MAGI1: variants seen among roughly 807,000 people sequenced by gnomAD.
The protein encoded by MAGI1 is membrane-associated guanylate kinase, WW and PDZ domain-containing protein 1.
A neutral mutation model predicts 139.9 loss-of-function variants in MAGI1; 58 were observed. The observed-to-expected ratio is 0.41, with a 90% CI of 0.34 to 0.52. The LOEUF (loss-of-function observed/expected upper bound fraction) is 0.52, where lower values mean the gene tolerates loss of function less well. MAGI1 is among the 20% of genes least tolerant of loss of function. The probability of loss-of-function intolerance (pLI) is 0.12; values close to 1 mark genes in which losing one functional copy is unlikely to be tolerated. For synonymous variants in MAGI1, 812 were observed against 737.9 expected, an observed-to-expected ratio of 1.10 and a Z score of -1.63; for missense variants, 1,874 against 1,901.6, an observed-to-expected ratio of 0.99 and a Z score of 0.27.
intron 1 of MAGI1, among the ~76,000 whole-genome samples, chr3:65,686,802 T>C (rs1559786495): frequency 1.3e-5 from 2 of 152,234 alleles, no homozygotes; most frequent in Non-Finnish European, 2.9e-5. Flanking sequence ...GTATGTTTTT[T>C]ATAGTTTTAA....
At chr3:65,553,529 A>G (rs1184468369) in intron 2 of MAGI1, among the ~76,000 whole-genome samples, 1 of 152,246 alleles carries the variant, frequency 6.6e-6, no homozygotes, top group Non-Finnish European at 1.5e-5. Flanking sequence ...GTGAACAGAC[A>G]CGGTGATGAG....
At chr3:65,751,053 G>A (rs1406599066) in intron 1 of MAGI1, among the ~76,000 whole-genome samples, 1 of 152,198 alleles carries the variant, frequency 6.6e-6, no homozygotes, top group East Asian at 1.9e-4. Flanking sequence ...TTGTGATGAG[G>A]GTTGACCCAG....
intron 1 of MAGI1, among the ~76,000 whole-genome samples, chr3:65,697,136 A>C (rs1559796988): frequency 6.6e-6 from 1 of 152,126 alleles, no homozygotes; most frequent in Non-Finnish European, 1.5e-5. Flanking sequence ...GAAATGGATA[A>C]ATTCCTCAAC....
intron 1 of MAGI1, among the ~76,000 whole-genome samples, chr3:66,024,529 G>C (rs571811187): frequency 2.6e-5 from 4 of 152,170 alleles, no homozygotes; most frequent in Non-Finnish European, 5.9e-5. Flanking sequence ...GTATCCAGCC[G>C]GGCGCGGTGG....
At position 66,017,435 on chromosome 3, in the gene MAGI1, T is replaced by C. The variant is rs184966043; in HGVS notation, c.313+20561A>G. Among the ~76,000 whole-genome samples the C allele has an allele frequency of 2.9e-4, 44 of 152,098 alleles. No homozygotes were observed. The East Asian group carries it at 7.0e-3, about 24-fold the overall frequency. On this transcript the variant is annotated intron_variant, in intron 1 of 22. Transcript: ENST00000402939. ...TTTCTTCAGATCAAACTCCAGGGGG[T>C]CACCTACCCTTAATTCACACAATGG...
intron 2 of MAGI1, among the ~76,000 whole-genome samples, chr3:65,555,605 T>C (rs2080047969): frequency 6.6e-6 from 1 of 152,086 alleles, no homozygotes; most frequent in African/African-American, 2.4e-5. Flanking sequence ...ATGCCTGTAA[T>C]CTCAGCAATT....
chr3:65,717,878 A>G (rs2032467398), intron 1 of MAGI1, among the ~76,000 whole-genome samples: 1 of 152,182 alleles, frequency 6.6e-6, no homozygotes, highest in Non-Finnish European at 1.5e-5. Context: ...AAAGTGCTGA[A>G]TCAGCTCCAG....
rs56026417 is a variant in MAGI1, at chr3:65,621,917, T to TCACACACACACACACACACA, written c.430+35_430+54dup. 1,115 of 986,688 alleles carry TCACACACACACACACACACA rather than the reference T, an allele frequency of 1.1e-3. 7 individuals are homozygous for TCACACACACACACACACACA. The African/African-American group carries it at 0.013, about 12-fold the overall frequency. 61.1% of individuals were successfully genotyped at this position (986,688 alleles called of 1,614,324 possible). A position where few individuals can be genotyped will look rare whatever the true frequency, so the allele number is the denominator to read the frequency against. On this transcript the variant is annotated intron_variant, in intron 2 of 22. Transcript: ENST00000402939. ...AGATCTCCTTTCTCCCCTGGACTTTTCACACACACACACACACACACACAG... is the reference window on the plus strand; with the variant it reads ...AGATCTCCTTTCTCCCCTGGACTTTTCACACACACACACACACACACACACACACACACACACACACACAG...
At chr3:65,885,006 T>C (rs1161708792) in intron 1 of MAGI1, among the ~76,000 whole-genome samples, 7 of 152,196 alleles carry the variant, frequency 4.6e-5, no homozygotes, top group Admixed American at 3.9e-4. Context: ...CATCACATCA[T>C]TGTTTATGAA....
At chr3:65,611,950 A>G (rs1422656036) in intron 2 of MAGI1, among the ~76,000 whole-genome samples, 3 of 151,980 alleles carry the variant, frequency 2.0e-5, no homozygotes, top group African/African-American at 7.2e-5. Flanking sequence ...TCAATAGGAA[A>G]CTATAATGAA....
intron 1 of MAGI1, among the ~76,000 whole-genome samples, chr3:65,742,264 C>T (rs2035338511): frequency 6.6e-6 from 1 of 152,156 alleles, no homozygotes; most frequent in African/African-American, 2.4e-5. Context: ...AAATATTTTA[C>T]ATCATTATTT....
intron 3 of MAGI1, among the ~76,000 whole-genome samples, chr3:65,486,344 C>A (rs1951636023): frequency 6.6e-6 from 1 of 152,144 alleles, no homozygotes; most frequent in Non-Finnish European, 1.5e-5. Flanking sequence ...CTCTTCTACC[C>A]AGAGGCATTT....
intron 1 of MAGI1, among the ~76,000 whole-genome samples, chr3:65,943,357 C>T (rs2063400785): frequency 1.3e-5 from 2 of 151,862 alleles, no homozygotes; most frequent in Non-Finnish European, 2.9e-5. Flanking sequence ...GGGCAGATCA[C>T]GAGGTCAGGA....
At chr3:65,407,758 TTATTTTCAG>T (rs1166304134) in intron 12 of MAGI1, among the ~76,000 whole-genome samples, 1 of 152,202 alleles carries the variant, frequency 6.6e-6, no homozygotes, top group Non-Finnish European at 1.5e-5. Flanking sequence ...ATTCATATTC[TTATTTTCAG>T]TATTTTCAAA....
At chr3:65,917,429 C>T (rs748119323) in intron 1 of MAGI1, among the ~76,000 whole-genome samples, 7 of 152,214 alleles carry the variant, frequency 4.6e-5, no homozygotes, top group Non-Finnish European at 1.0e-4. Flanking sequence ...ACCACACAAT[C>T]TAGCTAGCAA....
At chr3:65,468,496 C>A (rs1452033378) in intron 5 of MAGI1, among the ~76,000 whole-genome samples, 1 of 148,812 alleles carries the variant, frequency 6.7e-6, no homozygotes, top group African/African-American at 2.5e-5. Flanking sequence ...TTGCCTCAGC[C>A]TCTCAAGTGG....
intron 1 of MAGI1, among the ~76,000 whole-genome samples, chr3:65,938,822 G>A (rs1560034092): frequency 1.3e-5 from 2 of 152,128 alleles, no homozygotes; most frequent in African/African-American, 4.8e-5. Flanking sequence ...TATTGTGATA[G>A]ACTGGCAGAG....
intron 1 of MAGI1, among the ~76,000 whole-genome samples, chr3:65,917,048 A>T (rs1388853336): frequency 6.6e-6 from 1 of 152,182 alleles, no homozygotes; most frequent in Non-Finnish European, 1.5e-5. Context: ...AATTGAAATA[A>T]TCTGTTTTTA....
At chr3:65,950,997 A>G (rs2063817045) in intron 1 of MAGI1, among the ~76,000 whole-genome samples, 1 of 129,992 alleles carries the variant, frequency 7.7e-6, no homozygotes, top group Non-Finnish European at 1.7e-5. Flanking sequence ...GGAAGGAAGG[A>G]AGGAAGGAAG....
Sources: allele counts gnomAD v4.1 joint callset (sites outside exome capture counted in the v4.1 genomes callset), GRCh38; gene constraint gnomAD v4.1.1; transcripts MANE v1.5; gene names NCBI Gene and HGNC (gene_info 2026-07-23, HGNC 2026-07-21).